The following OSBPL6 variants were observed in gnomAD, a reference collection of about 807,000 sequenced individuals.
OSBPL6 encodes oxysterol-binding protein-related protein 6.
OSBPL6 carries 49 observed loss-of-function variants against 125.8 expected under a neutral mutation model. The observed-to-expected ratio is 0.39, with a 90% confidence interval of 0.31 to 0.49. OSBPL6 has a LOEUF of 0.49. Ranked by LOEUF, OSBPL6 falls within the 20% of genes least tolerant of loss-of-function variation. The pLI is 0.88. For missense variants in OSBPL6, 986 were observed against 1,135.4 expected (o/e 0.87, Z 1.89); for synonymous variants, 394 against 391.8 (o/e 1.01, Z -0.07).
At position 178,246,266 on chromosome 2, in the gene OSBPL6, A is replaced by G. The variant is rs181615988; in HGVS notation, c.-350-38661A>G. Among the ~76,000 whole-genome samples, 3 of 152,304 alleles carry G rather than the reference A, an allele frequency of 2.0e-5. No individual in the cohort carries two copies. The East Asian group carries it at 5.8e-4, about 29-fold the overall frequency. On this transcript the variant is annotated intron_variant, in intron 1 of 24. Coordinates refer to ENST00000190611, the MANE Select transcript of OSBPL6 (RefSeq NM_032523.4). ...CTGCATCAGTAAGATCACCAGGGCT[A>G]TCTGAGTTCCCGTTTTCCACTCCTC...
chr2:178,334,254 G>A (rs1341329731), intron 8 of OSBPL6, among the ~76,000 whole-genome samples: 1 of 152,172 alleles, frequency 6.6e-6, no homozygotes, highest in East Asian at 1.9e-4. Flanking sequence ...GAGAGGGTGA[G>A]GAAGCTGGCT....
intron 1 of OSBPL6, among the ~76,000 whole-genome samples, chr2:178,271,697 C>G (rs2092378056): frequency 6.6e-6 from 1 of 152,136 alleles, no homozygotes; most frequent in Non-Finnish European, 1.5e-5. Flanking sequence ...ATGTGACAAA[C>G]ATGTTTATAC....
intron 1 of OSBPL6, among the ~76,000 whole-genome samples, chr2:178,259,513 C>T (rs989771402): frequency 1.7e-5 from 2 of 116,092 alleles, no homozygotes; most frequent in Non-Finnish European, 3.6e-5. Flanking sequence ...ACTCAACAGT[C>T]GAATTGGATC....
chr2:178,292,972 A>G (rs1460207227), intron 2 of OSBPL6, among the ~76,000 whole-genome samples: 3 of 148,266 alleles, frequency 2.0e-5, no homozygotes, highest in Non-Finnish European at 4.5e-5. Context: ...CAATAACTGC[A>G]GTTTTGGCAT....
At chr2:178,387,194 T>C (rs2154116672) in intron 20 of OSBPL6, 55 bp downstream of exon 20, 1 of 1,368,914 alleles carries the variant, frequency 7.3e-7, no homozygotes, top group Non-Finnish European at 1.0e-6. Flanking sequence ...AAATCATAAA[T>C]GGGTATTTTA....
In OSBPL6 at chr2:178,324,247, C is replaced by A. The variant is rs34874235; in HGVS notation, c.173C>A (p.Pro58Gln). The A allele has an allele frequency of 7.4e-5, 117 of 1,573,912 alleles. No individual in the cohort carries two copies. The highest frequency in any genetic ancestry group is 9.5e-5 in the Non-Finnish European group (110 of 1,153,470). The change falls in exon 4 of 25, where the codon CCG becomes CAG. Residue 58 changes from proline to glutamine, a missense_variant. Physicochemically the swap from Pro to Gln is moderately conservative, Grantham distance 76. Around this residue, in one of 3 missense-constraint regions of OSBPL6, gnomAD observed 130 missense variants for 106.4 expected, o/e 1.22. Coordinates refer to ENST00000190611, the MANE Select transcript of OSBPL6 (RefSeq NM_032523.4). ...EPSVSRQLLE[P>Q]EPVPLSKEAD... Reference sequence around the variant, plus strand: ...TCTGTAAGTCGGCAATTGCTAGAACCGGAGCCAGTCCCCCTCTCCAAGGTC... The same window carrying A: ...TCTGTAAGTCGGCAATTGCTAGAACAGGAGCCAGTCCCCCTCTCCAAGGTC...
At chr2:178,290,671 A>G (rs1685174378) in intron 2 of OSBPL6, among the ~76,000 whole-genome samples, 2 of 152,110 alleles carry the variant, frequency 1.3e-5, no homozygotes, top group African/African-American at 4.8e-5. Context: ...GGTTGCCCCA[A>G]ATTCTTTTTG....
chr2:178,339,483 T>C (rs1280574204), intron 10 of OSBPL6, among the ~76,000 whole-genome samples, 189 bp from the exon 11 acceptor site: 1 of 152,160 alleles, frequency 6.6e-6, no homozygotes, highest in Non-Finnish European at 1.5e-5. Flanking sequence ...GTAAAATATA[T>C]TTTATAATTA....
intron 1 of OSBPL6, among the ~76,000 whole-genome samples, chr2:178,243,576 C>A (rs1362095379): frequency 6.6e-6 from 1 of 152,122 alleles, no homozygotes; most frequent in East Asian, 1.9e-4. Context: ...AAATATATTC[C>A]AAACTCATCC....
At position 178,361,697 on chromosome 2, in the gene OSBPL6, A is replaced by G. The variant is rs759954379; in HGVS notation, c.1169A>G (p.Lys390Arg). ...LIAQKVHSLL[K>R]SAFNSIAIEK... is the part of the protein sequence containing the mutation. Reference sequence around the variant, plus strand: ...CCCCACCCAGTGCATTCTCTTTTGAAGTCTGCATTTAATAGCATAGCTATA... The same window carrying G: ...CCCCACCCAGTGCATTCTCTTTTGAGGTCTGCATTTAATAGCATAGCTATA... Residue 390 changes from lysine to arginine, a missense_variant, in exon 13 of 25, where the codon AAG becomes AGG. Lys to Arg is a conservative substitution (Grantham distance 26). Around this residue, in one of 3 missense-constraint regions of OSBPL6, gnomAD observed 843 missense variants for 997.3 expected, o/e 0.85. Coordinates refer to ENST00000190611, the MANE Select transcript of OSBPL6 (RefSeq NM_032523.4). The G allele has an allele frequency of 6.2e-7, 1 of 1,614,056 alleles. No homozygotes were observed. The highest frequency in any genetic ancestry group is 1.1e-5 in the South Asian group (1 of 91,080).
intron 1 of OSBPL6, among the ~76,000 whole-genome samples, chr2:178,254,462 G>A (rs1007069428): frequency 6.6e-6 from 1 of 151,816 alleles, no homozygotes; most frequent in African/African-American, 2.4e-5. Flanking sequence ...ATTCTGTTAT[G>A]AGCAACAGAA....
In OSBPL6 at chr2:178,282,713, A is replaced by G. The variant is rs189793971; in HGVS notation, c.-350-2214A>G. On this transcript the variant is annotated intron_variant, in intron 1 of 24. Coordinates refer to ENST00000190611, the MANE Select transcript of OSBPL6 (RefSeq NM_032523.4). ...GTTGCCCAGGCTGGACTGCAATGGC[A>G]TGATCTCAGCTCACTTCAATTTCTA... Among the ~76,000 whole-genome samples the G allele has an allele frequency of 8.5e-5, 13 of 152,264 alleles. No individual in the cohort carries two copies. In the South Asian group the frequency reaches 1.0e-3, roughly 12 times the overall value.
At chr2:178,317,436 CCATATA>C (rs1687840869) in intron 3 of OSBPL6, among the ~76,000 whole-genome samples, 1 of 59,886 alleles carries the variant, frequency 1.7e-5, no homozygotes, top group Non-Finnish European at 3.0e-5. Context: ...AACTTAGACA[CCATATA>C]TATATATATA....
intron 1 of OSBPL6, among the ~76,000 whole-genome samples, chr2:178,251,360 CTT>C (rs761646626): frequency 7.1e-5 from 10 of 141,004 alleles, no homozygotes; most frequent in Admixed American, 2.1e-4. Context: ...TACTATGGTT[CTT>C]TTTTTTTTTT....
chr2:178,193,977 G>A (rs1003794976), upstream of OSBPL6, among the ~76,000 whole-genome samples: 2 of 152,250 alleles, frequency 1.3e-5, no homozygotes, highest in South Asian at 2.1e-4. Flanking sequence ...AGGGCGCCCA[G>A]GGACATGGGT....
chr2:178,398,460 T>C lies in OSBPL6; in HGVS notation c.*2901T>C, dbSNP rs957492367. On this transcript the variant is annotated 3_prime_UTR_variant, in exon 25 of 25. Coordinates refer to ENST00000190611, the MANE Select transcript of OSBPL6 (RefSeq NM_032523.4). ...GCGGATCAATGGCACACACCAGCAC[T>C]GGTAGAGGCTGACCAGAAGCTCATC... is the stretch of plus-strand genomic sequence containing the variant. 1 of 152,184 alleles carries C rather than the reference T, an allele frequency of 6.6e-6. No homozygotes were observed. The highest frequency in any genetic ancestry group is 2.4e-5 in the African/African-American group (1 of 41,456). The allele number at this position is 152,184 out of a possible 1,614,324, so 9.4% of individuals were successfully genotyped here. A position where few individuals can be genotyped will look rare whatever the true frequency, so the allele number is the denominator to read the frequency against.
chr2:178,294,062 C>T (rs1454901006), intron 2 of OSBPL6, among the ~76,000 whole-genome samples: 1 of 151,988 alleles, frequency 6.6e-6, no homozygotes, highest in Non-Finnish European at 1.5e-5. Flanking sequence ...TTAAAAAAAT[C>T]CATTTGAGTA....
chr2:178,228,534 CA>C (rs2090675393), intron 1 of OSBPL6, among the ~76,000 whole-genome samples: 1 of 151,884 alleles, frequency 6.6e-6, no homozygotes, highest in Non-Finnish European at 1.5e-5. Context: ...GACTCCATCT[CA>C]AAAAACAAAA....
At chr2:178,343,336 A>G (rs1690392633) in intron 11 of OSBPL6, among the ~76,000 whole-genome samples, 1 of 152,060 alleles carries the variant, frequency 6.6e-6, no homozygotes, top group Non-Finnish European at 1.5e-5. Flanking sequence ...GCAATGAGCT[A>G]TGATCGTGCC....
Sources: gnomAD v4.1 joint callset for allele counts (sites outside exome capture counted in the v4.1 genomes callset) on GRCh38, gnomAD v4.1.1 for gene constraint, gnomAD v4.1.1 regional missense constraint, MANE v1.5 for transcripts, NCBI Gene and HGNC (gene_info 2026-07-23, HGNC 2026-07-21) for gene names.